The following KATNBL1 variants were observed in gnomAD, a reference collection of about 807,000 sequenced individuals.
The protein encoded by KATNBL1 is katanin regulatory subunit B1 like 1.
Under a neutral mutation model 44.7 loss-of-function variants are expected in KATNBL1, and 28 were observed. The observed-to-expected ratio is 0.63, with a 90% CI of 0.46 to 0.86. The LOEUF is 0.86. KATNBL1 is among the 40% of genes least tolerant of loss of function. The pLI is 0.00. For synonymous variants in KATNBL1, 78 were observed against 114.9 expected (o/e 0.68, Z 2.06); for missense variants, 272 against 350.7 (o/e 0.78, Z 1.79).
At chr15:34,152,711 G>C in intron 4 of KATNBL1, 79 bp downstream of exon 4, 1 of 1,170,454 alleles carries the variant, frequency 8.5e-7, no homozygotes, top group Non-Finnish European at 1.2e-6. Context: ...TATTCTGCTA[G>C]TGGAATATGG....
intron 2 of KATNBL1, among the ~76,000 whole-genome samples, chr15:34,155,540 A>G (rs1237781132): frequency 7.0e-6 from 1 of 142,798 alleles, no homozygotes; most frequent in African/African-American, 2.8e-5. Context: ...TTTACTCCTG[A>G]GTTTTTTGCT....
At chr15:34,202,272 A>T (rs966617487) in intron 1 of KATNBL1, among the ~76,000 whole-genome samples, 5 of 152,230 alleles carry the variant, frequency 3.3e-5, no homozygotes, top group Non-Finnish European at 5.9e-5. Context: ...TAAATTAATT[A>T]AAAAACTCTA....
chr15:34,204,803 G>T lies in KATNBL1; in HGVS notation c.-15+5148C>A, dbSNP rs537638426. Among the ~76,000 whole-genome samples the T allele has an allele frequency of 5.9e-5, 9 of 151,982 alleles. No individual in the cohort carries two copies. In the East Asian group the frequency reaches 1.5e-3, roughly 26 times the overall value. The stretch of plus-strand genomic sequence containing the variant: ...AATTATTGAGTACAGGCCACTGTAA[G>T]GGAAAAGAATAAAAAGGTAGTTGGC... On this transcript the variant is annotated intron_variant, in intron 1 of 9. Coordinates refer to ENST00000256544, the MANE Select transcript of KATNBL1 (RefSeq NM_024713.3).
intron 1 of KATNBL1, among the ~76,000 whole-genome samples, chr15:34,184,806 C>T (rs933591230): frequency 3.3e-5 from 5 of 151,678 alleles, no homozygotes; most frequent in Non-Finnish European, 7.4e-5. Context: ...ATCTCCTGAC[C>T]TCGTGATCCG....
At chr15:34,203,020 T>C (rs533942212) in intron 1 of KATNBL1, among the ~76,000 whole-genome samples, 115 of 152,120 alleles carry the variant, frequency 7.6e-4, no homozygotes, top group African/African-American at 2.6e-3. Flanking sequence ...ATAAAATCTC[T>C]CATCATACTG....
intron 1 of KATNBL1, among the ~76,000 whole-genome samples, chr15:34,204,563 G>C (rs1265742305): frequency 6.6e-6 from 1 of 151,974 alleles, no homozygotes; most frequent in African/African-American, 2.4e-5. Flanking sequence ...TGTCAACAAG[G>C]ATCAAAAAAA....
intron 9 of KATNBL1, chr15:34,145,147 C>T: frequency 8.0e-7 from 1 of 1,249,986 alleles, no homozygotes; most frequent in Non-Finnish European, 1.0e-6. Context: ...TGATTAAAAC[C>T]CTCTGTAAAT....
chr15:34,199,839 CAAAGTACGGAAAGAACA>C (rs1020210917), intron 1 of KATNBL1: 3 of 534 alleles, frequency 5.6e-3, no homozygotes, highest in African/African-American at 9.6e-3. Flanking sequence ...ACGGAAAGAA[CAAAGTACGGAAAGAACA>C]AAGTTTCCAC....
rs539007659 is a variant in KATNBL1, at chr15:34,181,194, G to A, written c.-14-17504C>T. Among the ~76,000 whole-genome samples the A allele has an allele frequency of 3.9e-5, 6 of 152,154 alleles. No individual in the cohort carries two copies. In the East Asian group the frequency reaches 7.7e-4, roughly 20 times the overall value. Reference sequence around the variant, plus strand: ...TCAAGTACATTTGGATATGCTGCACGTTAAACTATTTCCTGGAATTTAAAT... The same window carrying A: ...TCAAGTACATTTGGATATGCTGCACATTAAACTATTTCCTGGAATTTAAAT... On this transcript the variant is annotated intron_variant, in intron 1 of 9. Transcript: ENST00000256544.
chr15:34,158,636 A>G (rs1888708774), intron 2 of KATNBL1, among the ~76,000 whole-genome samples: 1 of 151,874 alleles, frequency 6.6e-6, no homozygotes, highest in Non-Finnish European at 1.5e-5. Flanking sequence ...TTTTTTTTCA[A>G]AGGTGTGAGC....
chr15:34,155,940 G>A (rs542136229), intron 2 of KATNBL1, among the ~76,000 whole-genome samples: 34 of 152,238 alleles, frequency 2.2e-4, no homozygotes, highest in African/African-American at 7.2e-4. Flanking sequence ...TGTGGGAGTC[G>A]AAAGACCCAT....
intron 1 of KATNBL1, among the ~76,000 whole-genome samples, chr15:34,170,130 G>A (rs1274667388): frequency 2.0e-5 from 3 of 152,144 alleles, no homozygotes; most frequent in Admixed American, 1.3e-4. Context: ...ATTCAATTAG[G>A]AAAAGAGGAA....
chr15:34,163,452 A>G, intron 2 of KATNBL1, 108 bp downstream of exon 2: 1 of 1,290,398 alleles, frequency 7.7e-7, no homozygotes. Flanking sequence ...ATTCTGGGAG[A>G]TTAAGCAGAA....
intron 1 of KATNBL1, among the ~76,000 whole-genome samples, chr15:34,164,542 C>T (rs2140933099): frequency 6.6e-6 from 1 of 152,154 alleles, no homozygotes; most frequent in East Asian, 1.9e-4. Flanking sequence ...AATCAATGCC[C>T]TCCTATTTTA....
At chr15:34,154,268 GT>G (rs1423324770) in intron 3 of KATNBL1, among the ~76,000 whole-genome samples, 1 of 152,174 alleles carries the variant, frequency 6.6e-6, no homozygotes, top group African/African-American at 2.4e-5. Context: ...GGACCCGCAG[GT>G]CCTCAAATCA....
chr15:34,182,259 AT>A (rs1469745487), intron 1 of KATNBL1, among the ~76,000 whole-genome samples: 1 of 152,148 alleles, frequency 6.6e-6, no homozygotes, highest in African/African-American at 2.4e-5. Flanking sequence ...CAGATCATTT[AT>A]TCTATTCTAA....
In KATNBL1 at chr15:34,145,441, T is replaced by C. The variant is rs1423926002; in HGVS notation, c.839A>G (p.Asn280Ser). Residue 280 changes from asparagine (N) to serine (S), a missense_variant, in exon 9 of 10, where the codon AAC (asparagine) becomes AGC (serine). Asn to Ser is a conservative substitution (Grantham distance 46, BLOSUM62 1). This residue lies in a region of KATNBL1 where 39 missense variants were observed against 76.3 expected (regional missense o/e 0.51). Coordinates refer to ENST00000256544, the MANE Select transcript of KATNBL1 (RefSeq NM_024713.3). ...ATATCCTGGAACCAAAGTAAGATGGTTTTCCTGTTCCCATAATCCACTTAA... is the reference window on the plus strand; with the variant it reads ...ATATCCTGGAACCAAAGTAAGATGGCTTTCCTGTTCCCATAATCCACTTAA... ...QQLSGLWEQE[N>S]HLTLVPGYTG... The C allele has an allele frequency of 1.4e-6, 2 of 1,470,692 alleles. No individual in the cohort carries two copies. Among genetic ancestry groups the C allele is most frequent in the Non-Finnish European group, 1.8e-6 (2 of 1,116,790 alleles). The allele number at this position is 1,470,692 out of a possible 1,614,324, so 91.1% of individuals were successfully genotyped here. A position where few individuals can be genotyped will look rare whatever the true frequency, so the allele number is the denominator to read the frequency against.
intron 2 of KATNBL1, among the ~76,000 whole-genome samples, chr15:34,158,739 G>A (rs1888711403): frequency 6.6e-6 from 1 of 152,030 alleles, no homozygotes. Context: ...CAATTTACAT[G>A]TTTGGGCAGA....
intron 1 of KATNBL1, among the ~76,000 whole-genome samples, chr15:34,172,578 G>C (rs1889196963): frequency 6.6e-6 from 1 of 152,068 alleles, no homozygotes; most frequent in Non-Finnish European, 1.5e-5. Flanking sequence ...TCTAAAAAGG[G>C]GGATGATCAA....
Sources: allele counts gnomAD v4.1 joint callset (sites outside exome capture counted in the v4.1 genomes callset), GRCh38; gene constraint gnomAD v4.1.1; regional missense constraint gnomAD v4.1.1; transcripts MANE v1.5; gene names NCBI Gene and HGNC (gene_info 2026-07-23, HGNC 2026-07-21).